The following SUMF1 variants were observed in gnomAD, a reference collection of about 807,000 sequenced individuals.
SUMF1 encodes sulfatase modifying factor 1.
Under a neutral mutation model 47.6 loss-of-function variants are expected in SUMF1, and 48 were observed. The ratio of observed to expected loss-of-function variants is 1.01; its 90% CI spans 0.80 to 1.28. The LOEUF is 1.28. Among genes scored for constraint, SUMF1 ranks in the 50% most tolerant of loss-of-function variants. SUMF1 has a pLI of 0.00. For missense variants in SUMF1, 571 were observed against 485.4 expected (o/e 1.18, Z -1.66); for synonymous variants, 230 against 192.1 (o/e 1.20, Z -1.63).
intron 8 of SUMF1, among the ~76,000 whole-genome samples, chr3:4,132,515 G>A (rs997630640): frequency 6.6e-6 from 1 of 152,040 alleles, no homozygotes; most frequent in East Asian, 1.9e-4. Flanking sequence ...GGATTCATCG[G>A]TCCAGGTATC....
chr3:4,460,259 G>A (rs1165003215), intron 1 of SUMF1, among the ~76,000 whole-genome samples: 1 of 151,954 alleles, frequency 6.6e-6, no homozygotes, highest in East Asian at 1.9e-4. Flanking sequence ...TTGTCTGAGG[G>A]GAAAGTTACT....
chr3:4,051,936 T>A (rs1382643376), intron 9 of SUMF1, among the ~76,000 whole-genome samples: 1 of 152,116 alleles, frequency 6.6e-6, no homozygotes, highest in Non-Finnish European at 1.5e-5. Context: ...CAAGAAAGTA[T>A]CAACTAACAA....
intron 1 of SUMF1, among the ~76,000 whole-genome samples, chr3:4,455,038 T>C (rs1343065242): frequency 1.3e-5 from 2 of 152,208 alleles, no homozygotes; most frequent in African/African-American, 4.8e-5. Flanking sequence ...AACCACTGAA[T>C]TGTACATGTT....
Position 4,412,869 on chromosome 3 carries a change from A to T in SUMF1, c.841-1891T>A, listed in dbSNP as rs1701589449. Among the ~76,000 whole-genome samples the T allele has an allele frequency of 2.6e-5, 4 of 152,210 alleles. No homozygotes were observed. In the South Asian group the frequency reaches 8.3e-4, roughly 31 times the overall value. On this transcript the variant is annotated intron_variant, in intron 6 of 8. Coordinates refer to ENST00000272902, the MANE Select transcript of SUMF1 (RefSeq NM_182760.4). ...GCACCACTGCACTCCAGGCTGGGTG[A>T]CACAGCGAGATTACGTCTCAAACAA...
intron 8 of SUMF1, among the ~76,000 whole-genome samples, chr3:4,289,109 C>A (rs994166301): frequency 6.6e-6 from 1 of 152,174 alleles, no homozygotes; most frequent in Non-Finnish European, 1.5e-5. Context: ...CCTATCCCAG[C>A]CAAACCAGAA....
intron 8 of SUMF1, among the ~76,000 whole-genome samples, chr3:4,252,966 G>A (rs1473761261): frequency 6.6e-6 from 1 of 152,070 alleles, no homozygotes; most frequent in Admixed American, 6.5e-5. Context: ...ACCAGCATTG[G>A]AACATTTGAC....
intron 8 of SUMF1, among the ~76,000 whole-genome samples, chr3:4,195,646 T>A (rs563646355): frequency 6.6e-6 from 1 of 152,178 alleles, no homozygotes; most frequent in Non-Finnish European, 1.5e-5. Context: ...GGCAAGGATC[T>A]AAGCATATCA....
chr3:4,127,783 G>T (rs138627697), intron 8 of SUMF1, among the ~76,000 whole-genome samples: 4 of 152,064 alleles, frequency 2.6e-5, no homozygotes, highest in Non-Finnish European at 5.9e-5. Context: ...GAATATAAAG[G>T]ATGGAGTTCT....
At chr3:4,250,685 AT>A (rs1202312027) in intron 8 of SUMF1, among the ~76,000 whole-genome samples, 1 of 152,168 alleles carries the variant, frequency 6.6e-6, no homozygotes, top group Non-Finnish European at 1.5e-5. Flanking sequence ...GCCAGTGCTC[AT>A]TGACCATTCT....
chr3:4,312,881 G>A, intron 8 of SUMF1: 2 of 1,595,148 alleles, frequency 1.3e-6, no homozygotes, highest in African/African-American at 1.3e-5. Context: ...GACTTACAGT[G>A]TGTATATTTT....
At chr3:4,382,027 C>T (rs540645444) in intron 7 of SUMF1, among the ~76,000 whole-genome samples, 1 of 152,218 alleles carries the variant, frequency 6.6e-6, no homozygotes, top group Admixed American at 6.5e-5. Flanking sequence ...GCCTAGACAA[C>T]AGGAATGAGA....
At chr3:4,292,098 G>T (rs1294092465) in intron 8 of SUMF1, among the ~76,000 whole-genome samples, 1 of 152,090 alleles carries the variant, frequency 6.6e-6, no homozygotes, top group African/African-American at 2.4e-5. Flanking sequence ...AACTCCAGTT[G>T]TTCAAATGTA....
At chr3:4,278,161 T>C (rs1697457165) in intron 8 of SUMF1, among the ~76,000 whole-genome samples, 1 of 152,030 alleles carries the variant, frequency 6.6e-6, no homozygotes, top group Non-Finnish European at 1.5e-5. Flanking sequence ...GCAACATCTT[T>C]TTGGATGGCA....
chr3:4,238,937 G>A (rs1315975893), intron 8 of SUMF1, among the ~76,000 whole-genome samples: 1 of 152,030 alleles, frequency 6.6e-6, no homozygotes, highest in Non-Finnish European at 1.5e-5. Flanking sequence ...AATCCATCTT[G>A]GGTTAATTTT....
At chr3:4,419,250 C>T (rs1427941600) in intron 4 of SUMF1, among the ~76,000 whole-genome samples, 1 of 152,188 alleles carries the variant, frequency 6.6e-6, no homozygotes, top group Non-Finnish European at 1.5e-5. Context: ...CTTTCCACCT[C>T]GAAGCCTAAT....
At chr3:4,390,428 G>A (rs1386037374) in intron 7 of SUMF1, among the ~76,000 whole-genome samples, 2 of 152,146 alleles carry the variant, frequency 1.3e-5, no homozygotes, top group East Asian at 1.9e-4. Context: ...GAGTAGAGTG[G>A]TTACTGTCTA....
chr3:4,329,227 C>T (rs899252363), intron 8 of SUMF1, among the ~76,000 whole-genome samples: 2 of 152,212 alleles, frequency 1.3e-5, no homozygotes, highest in Non-Finnish European at 2.9e-5. Flanking sequence ...GCCCTCTTCT[C>T]ACAGCTCCAC....
intron 8 of SUMF1, among the ~76,000 whole-genome samples, chr3:4,153,439 T>A (rs1367722363): frequency 6.6e-6 from 1 of 151,256 alleles, no homozygotes; most frequent in East Asian, 1.9e-4. Context: ...TGGTCTTGAA[T>A]GCCTGGCCTC....
intron 8 of SUMF1, among the ~76,000 whole-genome samples, chr3:4,273,855 A>C (rs2125039323): frequency 6.9e-6 from 1 of 145,058 alleles, no homozygotes; most frequent in Admixed American, 6.8e-5. Context: ...ATGGGAAGGC[A>C]GGGCAGGTCA....
Sources: allele counts gnomAD v4.1 joint callset (sites outside exome capture counted in the v4.1 genomes callset), GRCh38; gene constraint gnomAD v4.1.1; transcripts MANE v1.5; gene names NCBI Gene and HGNC (gene_info 2026-07-23, HGNC 2026-07-21).